ESR1: variants seen among roughly 807,000 people sequenced by gnomAD.
ESR1 encodes the protein estrogen receptor.
ESR1 carries 12 observed loss-of-function variants against 52.7 expected under a neutral mutation model. That is an observed-to-expected ratio of 0.23 (90% CI 0.15 to 0.37). The LOEUF is 0.37. Ranked by LOEUF, ESR1 falls within the 10% of genes least tolerant of loss-of-function variation. The pLI, the probability that ESR1 is intolerant of heterozygous loss-of-function variation, is 1.00. For missense variants in ESR1, 584 were observed against 779.7 expected (o/e 0.75, Z 2.99); for synonymous variants, 305 against 316.8 (o/e 0.96, Z 0.39).
chr6:151,842,948 G>C (rs1395412698), intron 2 of ESR1, among the ~76,000 whole-genome samples, 161 bp downstream of exon 2: 1 of 152,174 alleles, frequency 6.6e-6, no homozygotes, highest in Non-Finnish European at 1.5e-5. Flanking sequence ...GAAGAGACAG[G>C]ATCTCAGGAG....
intron 1 of ESR1, among the ~76,000 whole-genome samples, chr6:151,829,793 C>T (rs370360504): frequency 2.0e-5 from 3 of 152,112 alleles, no homozygotes; most frequent in South Asian, 4.2e-4. Context: ...CAGAGGGGTT[C>T]GGTGACTTGT....
upstream of ESR1, chr6:151,805,858 A>G (rs1777760524): frequency 1.3e-5 from 2 of 152,204 alleles, no homozygotes. Context: ...TAGCTTTAGC[A>G]TTTTGAGAAA....
chr6:152,105,736 T>C (rs892839049), downstream of ESR1, among the ~76,000 whole-genome samples: 1 of 151,802 alleles, frequency 6.6e-6, no homozygotes, highest in Non-Finnish European at 1.5e-5. Flanking sequence ...AATTTAATTA[T>C]TTTTTGAATT....
At chr6:151,869,092 G>A (rs1790491127) in intron 2 of ESR1, among the ~76,000 whole-genome samples, 1 of 32,020 alleles carries the variant, frequency 3.1e-5, no homozygotes, top group Non-Finnish European at 9.7e-5. Context: ...GCACAGTCCT[G>A]TTCAGGGTTC....
intron 6 of ESR1, among the ~76,000 whole-genome samples, chr6:152,072,641 G>A (rs1005466286): frequency 6.6e-6 from 1 of 152,224 alleles, no homozygotes; most frequent in Admixed American, 6.5e-5. Flanking sequence ...ACCAAGTGCT[G>A]TCTACTCTCC....
At chr6:152,000,350 T>A (rs977050021) in intron 4 of ESR1, among the ~76,000 whole-genome samples, 11 of 152,044 alleles carry the variant, frequency 7.2e-5, no homozygotes, top group Non-Finnish European at 1.5e-4. Flanking sequence ...CAAAGCCCAT[T>A]ATCCCTTCTA....
chr6:151,901,100 T>G (rs1206300418), intron 3 of ESR1, among the ~76,000 whole-genome samples: 1 of 152,152 alleles, frequency 6.6e-6, no homozygotes, highest in Non-Finnish European at 1.5e-5. Context: ...CAGACTCTCC[T>G]CGGGTGAGTC....
upstream of ESR1, chr6:151,805,930 A>C (rs1218221067): frequency 6.6e-6 from 1 of 152,262 alleles, no homozygotes; most frequent in South Asian, 2.1e-4. Context: ...GCTGTTCTCC[A>C]TGGGGGTATG....
At chr6:151,968,419 A>G (rs2038525698) in intron 4 of ESR1, among the ~76,000 whole-genome samples, 1 of 152,234 alleles carries the variant, frequency 6.6e-6, no homozygotes, top group African/African-American at 2.4e-5. Context: ...AAAATTGACA[A>G]ATGGGATCTA....
chr6:151,816,518 G>A (rs1483680390), intron 1 of ESR1, among the ~76,000 whole-genome samples: 3 of 152,102 alleles, frequency 2.0e-5, no homozygotes, highest in South Asian at 2.1e-4. Context: ...TTACTACTTC[G>A]GAAGGGAATT....
chr6:152,000,580 C>G (rs977918114), intron 4 of ESR1, among the ~76,000 whole-genome samples: 2 of 151,902 alleles, frequency 1.3e-5, no homozygotes, highest in Non-Finnish European at 2.9e-5. Flanking sequence ...TGAGATAAGT[C>G]AATTCTCTTC....
At chr6:152,111,914 C>T (rs943558236) in intron 6 of ESR1, among the ~76,000 whole-genome samples, 5 of 152,204 alleles carry the variant, frequency 3.3e-5, no homozygotes, top group African/African-American at 1.2e-4. Context: ...GGATTACAAA[C>T]TAGAGTAAAC....
intron 5 of ESR1, among the ~76,000 whole-genome samples, chr6:152,016,624 A>G (rs1226376487): frequency 1.3e-5 from 2 of 152,180 alleles, no homozygotes; most frequent in Non-Finnish European, 2.9e-5. Flanking sequence ...TCTTTGCCCT[A>G]CAGGTTCCTA....
chr6:152,024,714 A>G (rs982034510), intron 5 of ESR1, among the ~76,000 whole-genome samples: 7 of 147,914 alleles, frequency 4.7e-5, no homozygotes, highest in African/African-American at 1.7e-4. Flanking sequence ...AATATATTTT[A>G]ATATATTATA....
intron 6 of ESR1, among the ~76,000 whole-genome samples, chr6:152,075,089 A>G (rs2048631862): frequency 6.6e-6 from 1 of 152,188 alleles, no homozygotes; most frequent in Admixed American, 6.5e-5. Context: ...CTTCTGCTGA[A>G]GCCAAGTATT....
At chr6:151,661,972 C>T (rs1057338494) in intron 1 of ESR1, among the ~76,000 whole-genome samples, 1 of 152,204 alleles carries the variant, frequency 6.6e-6, no homozygotes, top group Admixed American at 6.5e-5. Flanking sequence ...GTCTCAGGCA[C>T]CTAAACCAAT....
intron 3 of ESR1, among the ~76,000 whole-genome samples, chr6:151,914,859 C>T (rs1251468162): frequency 6.6e-6 from 1 of 152,160 alleles, no homozygotes; most frequent in African/African-American, 2.4e-5. Context: ...AGGACACGTA[C>T]ACTGTAACCT....
chr6:152,089,866 T>A (rs1401137176), intron 6 of ESR1, among the ~76,000 whole-genome samples: 2 of 152,190 alleles, frequency 1.3e-5, no homozygotes, highest in African/African-American at 2.4e-5. Flanking sequence ...GCATGAGTCA[T>A]TGCACCCAGC....
intron 2 of ESR1, among the ~76,000 whole-genome samples, chr6:151,869,985 T>G (rs899450401): frequency 1.3e-5 from 2 of 152,156 alleles, no homozygotes; most frequent in East Asian, 3.8e-4. Flanking sequence ...TCATGGCACA[T>G]TGAATGTCCT....
Sources: allele counts gnomAD v4.1 joint callset (sites outside exome capture counted in the v4.1 genomes callset), GRCh38; gene constraint gnomAD v4.1.1; transcripts MANE v1.5; gene names NCBI Gene and HGNC (gene_info 2026-07-23, HGNC 2026-07-21).